Variants in PLXNA2 observed in about 807,000 individuals in gnomAD.
The protein encoded by PLXNA2 is plexin-A2.
A neutral mutation model predicts 193.5 loss-of-function variants in PLXNA2; 91 were observed. That is an observed-to-expected ratio of 0.47 (90% CI 0.40 to 0.56). The LOEUF (loss-of-function observed/expected upper bound fraction) is 0.56. Among genes scored for constraint, PLXNA2 ranks in the 20% least tolerant of loss-of-function variants. The pLI is 0.00. For synonymous variants in PLXNA2, 997 were observed against 1,027.3 expected (o/e 0.97, Z 0.56); for missense variants, 1,995 against 2,503.2 (o/e 0.80, Z 4.33).
At chr1:208,210,188 T>C (rs1022588231) in intron 3 of PLXNA2, 92 bp downstream of exon 3, 13 of 1,375,016 alleles carry the variant, frequency 9.5e-6, no homozygotes, top group Non-Finnish European at 1.3e-5. Flanking sequence ...AAGTTGCCTA[T>C]AGTTAAATCT....
chr1:208,140,458 C>T (rs567957677), intron 4 of PLXNA2, among the ~76,000 whole-genome samples: 1 of 152,160 alleles, frequency 6.6e-6, no homozygotes, highest in Non-Finnish European at 1.5e-5. Context: ...AGAGCTCTTA[C>T]CCAGAGCTAC....
intron 3 of PLXNA2, among the ~76,000 whole-genome samples, chr1:208,166,964 C>T (rs1285654908): frequency 2.0e-5 from 3 of 152,182 alleles, no homozygotes; most frequent in Non-Finnish European, 2.9e-5. Flanking sequence ...CCTGAGTCTG[C>T]ACCTGGGGCT....
chr1:208,184,137 C>T (rs1271547456), intron 3 of PLXNA2, among the ~76,000 whole-genome samples: 1 of 152,122 alleles, frequency 6.6e-6, no homozygotes, highest in Non-Finnish European at 1.5e-5. Context: ...TTGATTTCCC[C>T]AGATGTTCAC....
chr1:208,051,485 G>T, intron 15 of PLXNA2, 62 bp from the exon 16 acceptor site: 1 of 1,406,762 alleles, frequency 7.1e-7, no homozygotes. Context: ...GTGCCCACTG[G>T]CTTGACAAGG....
At chr1:208,037,672 G>C (rs1664714985) in intron 26 of PLXNA2, among the ~76,000 whole-genome samples, 1 of 152,148 alleles carries the variant, frequency 6.6e-6, no homozygotes, top group African/African-American at 2.4e-5. Context: ...GTTACCATGG[G>C]AGGGGAGAAG....
At chr1:208,112,517 G>A in intron 4 of PLXNA2, among the ~76,000 whole-genome samples, 1 of 152,176 alleles carries the variant, frequency 6.6e-6, no homozygotes, top group East Asian at 1.9e-4. Flanking sequence ...CACACAGCTG[G>A]TGCTCAATAG....
chr1:208,050,914 G>T, intron 17 of PLXNA2, 95 bp downstream of exon 17: 1 of 845,554 alleles, frequency 1.2e-6, no homozygotes. Flanking sequence ...CCAGTATTCA[G>T]AGGCTCCAGT....
intron 3 of PLXNA2, among the ~76,000 whole-genome samples, chr1:208,151,330 C>T (rs1668756862): frequency 6.6e-6 from 1 of 152,194 alleles, no homozygotes; most frequent in Non-Finnish European, 1.5e-5. Context: ...ACACAGGTTC[C>T]TTTCCTGGAG....
chr1:208,029,871 G>T, intron 29 of PLXNA2: 1 of 985,664 alleles, frequency 1.0e-6, no homozygotes, highest in Non-Finnish European at 1.2e-6. Context: ...TTCCAGCTTT[G>T]CCTTCTCTTC....
intron 7 of PLXNA2, 129 bp from the exon 8 acceptor site, chr1:208,096,254 C>A (rs1666883474): frequency 4.2e-6 from 3 of 720,304 alleles, no homozygotes; most frequent in Non-Finnish European, 7.2e-6. Context: ...CTATGTGGAA[C>A]CTGCCTGAAT....
chr1:208,095,208 AT>A (rs1255912411), intron 8 of PLXNA2, among the ~76,000 whole-genome samples: 3 of 152,138 alleles, frequency 2.0e-5, no homozygotes, highest in Admixed American at 1.3e-4. Flanking sequence ...TCTAAACCAA[AT>A]GGTGTATGAG....
intron 11 of PLXNA2, among the ~76,000 whole-genome samples, chr1:208,081,407 G>C (rs965173530): frequency 1.3e-5 from 2 of 152,230 alleles, no homozygotes; most frequent in African/African-American, 2.4e-5. Context: ...GCAGAGGCTT[G>C]TGACAACCCT....
At position 208,217,041 on chromosome 1, in the gene PLXNA2, C is replaced by G. The variant is rs139833440; in HGVS notation, c.882G>C (p.Val294=). 44 of 1,612,536 alleles carry G rather than the reference C, an allele frequency of 2.7e-5. No individual in the cohort carries two copies. The African/African-American group carries it at 5.1e-4, about 19-fold the overall frequency. ...CCCGGGTGCAGCCGAAGGGCAGGGA[C>G]ACGTATGAGTGGAACTTGGGGTCAT... is the stretch of plus-strand genomic sequence containing the variant. ...CKDDPKFHSY[V]SLPFGCTRAG... Residue 294 remains valine (V), a synonymous_variant, in exon 2 of 32, where the codon GTG becomes GTC. Transcript: ENST00000367033. The surrounding 1 kb of genome is among the most constrained non-coding windows in gnomAD (Gnocchi z 4.7).
chr1:208,126,232 C>A (rs923770660), intron 4 of PLXNA2, among the ~76,000 whole-genome samples: 1 of 152,150 alleles, frequency 6.6e-6, no homozygotes, highest in African/African-American at 2.4e-5. Context: ...TAACTCTCTG[C>A]AGAAATCTGT....
rs1428519106 is a variant in PLXNA2, at chr1:208,025,087, T to C, written c.*2156A>G. 6.6e-6 allele frequency: 1 copy of C among 152,648 alleles called. No homozygotes were observed. Among genetic ancestry groups the C allele is most frequent in the Non-Finnish European group, 1.5e-5 (1 of 68,042 alleles). 9.5% of individuals were successfully genotyped at this position (152,648 alleles called of 1,614,324 possible). The stretch of plus-strand genomic sequence containing the variant: ...AAAGAAGTGGATTTTCAAAAGAAAG[T>C]GGCCTTGGCATGGCTGGTTGTGAAT... On this transcript the variant is annotated 3_prime_UTR_variant, in exon 32 of 32. Coordinates refer to ENST00000367033, the MANE Select transcript of PLXNA2 (RefSeq NM_025179.4).
intron 4 of PLXNA2, among the ~76,000 whole-genome samples, chr1:208,129,473 T>C (rs1223211946): frequency 6.6e-6 from 1 of 152,222 alleles, no homozygotes; most frequent in Non-Finnish European, 1.5e-5. Context: ...CTCACCTGCA[T>C]GCTGCAGAAA....
chr1:208,211,492 G>C (rs567125723), intron 2 of PLXNA2, among the ~76,000 whole-genome samples: 37 of 152,286 alleles, frequency 2.4e-4, no homozygotes, highest in African/African-American at 8.7e-4. Flanking sequence ...AGGAGATCGA[G>C]ACCATTCTGG....
chr1:208,153,132 T>C (rs1668823766), intron 3 of PLXNA2, among the ~76,000 whole-genome samples: 2 of 152,204 alleles, frequency 1.3e-5, no homozygotes, highest in African/African-American at 4.8e-5. Flanking sequence ...CATGAAGGAA[T>C]CCCTGTTGCT....
At chr1:208,035,230 A>G (rs1428271792) in intron 26 of PLXNA2, among the ~76,000 whole-genome samples, 1 of 152,174 alleles carries the variant, frequency 6.6e-6, no homozygotes, top group Non-Finnish European at 1.5e-5. Flanking sequence ...AGGTCACATA[A>G]TTCATACATG....
Sources: gnomAD v4.1 joint callset for allele counts (sites outside exome capture counted in the v4.1 genomes callset) on GRCh38, gnomAD v4.1.1 for gene constraint, Gnocchi (gnomAD v3.1) non-coding constraint, MANE v1.5 for transcripts, NCBI Gene and HGNC (gene_info 2026-07-23, HGNC 2026-07-21) for gene names.